CNBD1: variants seen among roughly 807,000 people sequenced by gnomAD.
CNBD1 encodes the protein cyclic nucleotide-binding domain-containing protein 1.
A neutral mutation model predicts 54.4 loss-of-function variants in CNBD1; 71 were observed. The ratio of observed to expected loss-of-function variants is 1.30; its 90% CI spans 1.08 to 1.59. The LOEUF (loss-of-function observed/expected upper bound fraction) is 1.59, where lower values mean the gene tolerates loss of function less well. CNBD1 is among the 40% of genes most tolerant of loss of function. The pLI is 0.00. For missense variants in CNBD1, 659 were observed against 518.0 expected (o/e 1.27, Z -2.64); for synonymous variants, 182 against 170.7 (o/e 1.07, Z -0.51).
Position 87,249,605 on chromosome 8 carries a change from A to G in CNBD1, c.771+12493A>G, listed in dbSNP as rs144552115. 5.6e-4 allele frequency among the ~76,000 whole-genome samples: 85 copies of G among 152,298 alleles called. 1 individual carries two copies. Among genetic ancestry groups the G allele is most frequent in the African/African-American group, 1.7e-3 (72 of 41,572 alleles). On this transcript the variant is annotated intron_variant, in intron 6 of 10. Coordinates refer to ENST00000518476, the MANE Select transcript of CNBD1 (RefSeq NM_173538.3). ...GATAAAAGTGAATATAATCACCATTATTAGTTTAAAGCAATCAATTAAGAT... is the reference window on the plus strand; with the variant it reads ...GATAAAAGTGAATATAATCACCATTGTTAGTTTAAAGCAATCAATTAAGAT...
chr8:87,321,292 C>A (rs1325056663), intron 8 of CNBD1, among the ~76,000 whole-genome samples: 1 of 152,156 alleles, frequency 6.6e-6, no homozygotes, highest in Non-Finnish European at 1.5e-5. Context: ...CGCATTATCA[C>A]CAACAGTATG....
intron 6 of CNBD1, among the ~76,000 whole-genome samples, chr8:87,284,415 A>G (rs1273966612): frequency 1.3e-5 from 2 of 152,168 alleles, no homozygotes; most frequent in Non-Finnish European, 2.9e-5. Context: ...GCTATATTCC[A>G]AGCACTCTAA....
At chr8:87,126,088 T>G (rs529723202) in intron 4 of CNBD1, among the ~76,000 whole-genome samples, 1 of 152,070 alleles carries the variant, frequency 6.6e-6, no homozygotes, top group East Asian at 1.9e-4. Context: ...GGGTGGGCAT[T>G]TCAATTGTTT....
chr8:87,081,941 C>T (rs147369417), intron 4 of CNBD1, among the ~76,000 whole-genome samples: 1,706 of 152,216 alleles, frequency 0.011, 18 homozygotes, highest in Admixed American at 0.019. Flanking sequence ...TTTGTTTATT[C>T]CTCCTTGCAG....
At chr8:87,317,955 C>G (rs1809434079) in intron 8 of CNBD1, among the ~76,000 whole-genome samples, 1 of 151,772 alleles carries the variant, frequency 6.6e-6, no homozygotes, top group South Asian at 2.1e-4. Context: ...TCTTCAAGTT[C>G]ACCAATATTT....
intron 6 of CNBD1, among the ~76,000 whole-genome samples, chr8:87,240,842 A>G (rs1807682745): frequency 6.6e-6 from 1 of 151,968 alleles, no homozygotes; most frequent in South Asian, 2.1e-4. Context: ...GCTTTTTAAT[A>G]CCGTACCCTT....
intron 10 of CNBD1, among the ~76,000 whole-genome samples, chr8:87,376,071 G>T (rs915669934): frequency 6.6e-6 from 1 of 151,888 alleles, no homozygotes; most frequent in South Asian, 2.1e-4. Flanking sequence ...GAACTTTTTA[G>T]TTCAAAGATT....
At chr8:87,368,552 C>A (rs951945010) in intron 10 of CNBD1, among the ~76,000 whole-genome samples, 1 of 151,528 alleles carries the variant, frequency 6.6e-6, no homozygotes, top group Non-Finnish European at 1.5e-5. Flanking sequence ...GCAGGAGGAT[C>A]CCTTGAGCCA....
At chr8:87,258,669 A>G (rs1157447864) in intron 6 of CNBD1, among the ~76,000 whole-genome samples, 1 of 152,152 alleles carries the variant, frequency 6.6e-6, no homozygotes, top group Non-Finnish European at 1.5e-5. Flanking sequence ...CTAGTGGACT[A>G]TTAATGTCAA....
chr8:87,228,262 A>G (rs1184196160), intron 5 of CNBD1, among the ~76,000 whole-genome samples: 5 of 151,382 alleles, frequency 3.3e-5, no homozygotes, highest in Admixed American at 2.6e-4. Flanking sequence ...TTCTCCGTCC[A>G]GCTTTGTTCC....
exon 3 of CNBD1, chr8:87,428,594 C>T (rs1432504283): frequency 8.8e-6 from 4 of 455,044 alleles, no homozygotes; most frequent in Non-Finnish European, 1.8e-5. Flanking sequence ...GCTAAACCAA[C>T]TTTTGGCCAT....
chr8:87,084,347 A>C lies in CNBD1; in HGVS notation c.432-121646A>C, dbSNP rs576740355. ...CCTTCTACTGGAAAAAATTGAGTTAATATTTCTTGTAGCACAGGCATGCTG... is the reference window on the plus strand; with the variant it reads ...CCTTCTACTGGAAAAAATTGAGTTACTATTTCTTGTAGCACAGGCATGCTG... On this transcript the variant is annotated intron_variant, in intron 4 of 10. Transcript: ENST00000518476. 6.6e-5 allele frequency among the ~76,000 whole-genome samples: 10 copies of C among 152,272 alleles called. No homozygotes were observed. In the South Asian group the frequency reaches 1.9e-3, roughly 28 times the overall value.
intron 8 of CNBD1, among the ~76,000 whole-genome samples, chr8:87,314,031 A>G (rs929510079): frequency 6.6e-6 from 1 of 151,978 alleles, no homozygotes. Context: ...AAGCACATGT[A>G]ATAATAGCAT....
intron 5 of CNBD1, among the ~76,000 whole-genome samples, chr8:87,219,768 T>A (rs1034430433): frequency 6.6e-6 from 1 of 151,990 alleles, no homozygotes; most frequent in Non-Finnish European, 1.5e-5. Flanking sequence ...TCTACATTAG[T>A]TTTGAACCAA....
At chr8:87,414,237 C>T (rs1464060629) in intron 2 of CNBD1, among the ~76,000 whole-genome samples, 2 of 151,904 alleles carry the variant, frequency 1.3e-5, no homozygotes, top group East Asian at 1.9e-4. Flanking sequence ...ATGGATGAAA[C>T]TGGAAATCAT....
At chr8:87,408,334 T>C (rs1299446525) in intron 2 of CNBD1, among the ~76,000 whole-genome samples, 1 of 152,074 alleles carries the variant, frequency 6.6e-6, no homozygotes, top group African/African-American at 2.4e-5. Flanking sequence ...CATTTCACCT[T>C]CTTATTAATC....
Position 86,939,679 on chromosome 8 carries a change from A to G in CNBD1, c.356A>G (p.His119Arg), listed in dbSNP as rs1266543460. The change falls in exon 4 of 11, where the codon CAT becomes CGT. Residue 119 changes from histidine (H) to arginine (R), a missense_variant. By Grantham distance (29) the His-to-Arg change is conservative (BLOSUM62 0). Coordinates refer to ENST00000518476, the MANE Select transcript of CNBD1 (RefSeq NM_173538.3). The stretch of plus-strand genomic sequence containing the variant: ...ATAGCTGTCCATGTTCAGAGAGCAC[A>G]TGGTGGCCATATTTTATATAGACCA... The part of the protein sequence containing the change: ...NNIAVHVQRA[H>R]GGHILYRPKR... The G allele has an allele frequency of 6.2e-7, 1 of 1,605,640 alleles. No individual in the cohort carries two copies. Among genetic ancestry groups the G allele is most frequent in the Non-Finnish European group, 8.5e-7 (1 of 1,174,578 alleles).
At chr8:87,322,813 A>G (rs1809567406) in intron 8 of CNBD1, among the ~76,000 whole-genome samples, 1 of 101,200 alleles carries the variant, frequency 9.9e-6, no homozygotes, top group Non-Finnish European at 2.1e-5. Flanking sequence ...GTTTAATTAG[A>G]TCCCATTTGT....
intron 4 of CNBD1, among the ~76,000 whole-genome samples, chr8:87,112,450 A>G (rs1248418068): frequency 6.6e-6 from 1 of 152,096 alleles, no homozygotes; most frequent in African/African-American, 2.4e-5. Context: ...TTAGCCCTTC[A>G]AGTGTGGTAG....
Sources: allele counts gnomAD v4.1 joint callset (sites outside exome capture counted in the v4.1 genomes callset), GRCh38; gene constraint gnomAD v4.1.1; transcripts MANE v1.5; gene names NCBI Gene and HGNC (gene_info 2026-07-23, HGNC 2026-07-21).